CRYL1: variants seen among roughly 807,000 people sequenced by gnomAD.
CRYL1 encodes crystallin lambda 1, also known as lambda-crystallin homolog.
In CRYL1, 29 loss-of-function variants were observed where a neutral mutation model predicts 36.6. That is an observed-to-expected ratio of 0.79 (90% CI 0.59 to 1.08). The LOEUF is 1.08. CRYL1 is among the 50% of genes least tolerant of loss of function. CRYL1 has a pLI of 0.00. For synonymous variants in CRYL1, 152 were observed against 151.5 expected (o/e 1.00, Z -0.02); for missense variants, 411 against 407.9 (o/e 1.01, Z -0.06).
chr13:20,406,956 T>C (rs2031394297), intron 6 of CRYL1, among the ~76,000 whole-genome samples: 1 of 151,822 alleles, frequency 6.6e-6, no homozygotes, highest in Non-Finnish European at 1.5e-5. Context: ...TCTGAGCAAG[T>C]GTTCATCTCT....
At chr13:20,441,974 G>A (rs898779720) in intron 3 of CRYL1, among the ~76,000 whole-genome samples, 1 of 152,176 alleles carries the variant, frequency 6.6e-6, no homozygotes, top group African/African-American at 2.4e-5. Flanking sequence ...AGCCCATTGT[G>A]TTAACTCCCC....
chr13:20,447,937 G>A (rs12430880), intron 3 of CRYL1, among the ~76,000 whole-genome samples: 7,016 of 152,110 alleles, frequency 0.046, 342 homozygotes, highest in Admixed American at 0.16. Context: ...AAAAAATCAC[G>A]AGGTATACAA....
At chr13:20,442,330 T>C (rs2032368555) in intron 3 of CRYL1, among the ~76,000 whole-genome samples, 2 of 152,328 alleles carry the variant, frequency 1.3e-5, no homozygotes, top group South Asian at 4.1e-4. Context: ...GTTGTTGCTG[T>C]TTTTAAGAGT....
chr13:20,476,648 C>A (rs2033173091), intron 3 of CRYL1, among the ~76,000 whole-genome samples: 1 of 152,220 alleles, frequency 6.6e-6, no homozygotes, highest in Non-Finnish European at 1.5e-5. Flanking sequence ...TGCAGCAGGG[C>A]CAGCACCGAG....
At chr13:20,501,014 C>A (rs9509256) in intron 2 of CRYL1, among the ~76,000 whole-genome samples, 2 of 152,162 alleles carry the variant, frequency 1.3e-5, no homozygotes, top group African/African-American at 4.8e-5. Flanking sequence ...TCCTTGCCCC[C>A]CCCTAGTTCC....
chr13:20,489,554 TA>T, intron 2 of CRYL1, 58 bp from the exon 3 acceptor site: 1 of 1,595,012 alleles, frequency 6.3e-7, no homozygotes, highest in Non-Finnish European at 8.5e-7. Flanking sequence ...TAAAAACAGA[TA>T]AAGCCCAACA....
At chr13:20,436,911 T>C (rs2032230324) in intron 4 of CRYL1, among the ~76,000 whole-genome samples, 1 of 88,074 alleles carries the variant, frequency 1.1e-5, no homozygotes, top group Non-Finnish European at 2.7e-5. Context: ...GGCCTGGGGG[T>C]GCTTCTCGGA....
intron 5 of CRYL1, 35 bp downstream of exon 5, chr13:20,432,067 G>A: frequency 1.2e-6 from 2 of 1,613,928 alleles, no homozygotes; most frequent in South Asian, 2.2e-5. Flanking sequence ...AGGGAGAAAG[G>A]AAGGGAGGGA....
At chr13:20,479,562 A>G (rs1426564940) in intron 3 of CRYL1, among the ~76,000 whole-genome samples, 1 of 152,222 alleles carries the variant, frequency 6.6e-6, no homozygotes, top group Admixed American at 6.5e-5. Flanking sequence ...AGACTCTTAC[A>G]CAGCCACTAG....
In CRYL1 at chr13:20,407,978, A is replaced by G. The variant is rs1035861819; in HGVS notation, c.740-3237T>C. Among the ~76,000 whole-genome samples the G allele has an allele frequency of 3.3e-5, 5 of 152,208 alleles. No individual in the cohort carries two copies. In the East Asian group the frequency reaches 9.6e-4, roughly 29 times the overall value. ...GGGATTCCAGGCATCAGCTCCTTGG[A>G]GAGCCTTAATTGCCACCCATACATG... On this transcript the variant is annotated intron_variant, in intron 6 of 7. Coordinates refer to ENST00000298248, the MANE Select transcript of CRYL1 (RefSeq NM_015974.3).
chr13:20,412,674 A>T (rs1423318138), intron 6 of CRYL1, among the ~76,000 whole-genome samples: 1 of 152,158 alleles, frequency 6.6e-6, no homozygotes, highest in Non-Finnish European at 1.5e-5. Flanking sequence ...TGTCCTTCCC[A>T]AGTCGTCTTT....
At chr13:20,516,624 C>T (rs545654000) in intron 1 of CRYL1, among the ~76,000 whole-genome samples, 2 of 152,016 alleles carry the variant, frequency 1.3e-5, no homozygotes, top group South Asian at 2.1e-4. Context: ...GGACTACAGG[C>T]GCTCGCCACC....
intron 3 of CRYL1, among the ~76,000 whole-genome samples, chr13:20,461,042 C>T: frequency 6.6e-6 from 1 of 151,978 alleles, no homozygotes; most frequent in Admixed American, 6.5e-5. Flanking sequence ...GTCTCCACTT[C>T]CACAGCCAGC....
chr13:20,467,740 G>C (rs973778220), intron 3 of CRYL1, among the ~76,000 whole-genome samples: 13 of 152,184 alleles, frequency 8.5e-5, no homozygotes, highest in African/African-American at 2.7e-4. Flanking sequence ...GGAATCGCTT[G>C]AACCCGGGAG....
Position 20,439,603 on chromosome 13 carries a change from A to C in CRYL1, c.428T>G (p.Val143Gly). 6.2e-7 allele frequency: 1 copy of C among 1,611,558 alleles called. No individual in the cohort carries two copies. ...ATTTAAAATACTCACAGGATGAGCCACGATGCATTGCTTCACATGGACCAA... is the reference window on the plus strand; with the variant it reads ...ATTTAAAATACTCACAGGATGAGCCCCGATGCATTGCTTCACATGGACCAA... Reference protein sequence around the residue: ...AGLVHVKQCIVAHPVNPPYYI... With the variant: ...AGLVHVKQCIGAHPVNPPYYI... The change falls in exon 4 of 8, where the codon GTG becomes GGG. Residue 143 changes from valine to glycine, a missense_variant. Coordinates refer to ENST00000298248, the MANE Select transcript of CRYL1 (RefSeq NM_015974.3).
chr13:20,445,869 G>C (rs1392908179), intron 3 of CRYL1, among the ~76,000 whole-genome samples: 1 of 152,142 alleles, frequency 6.6e-6, no homozygotes, highest in African/African-American at 2.4e-5. Flanking sequence ...TGGTTGTTGG[G>C]TTTAACAATG....
At chr13:20,407,574 G>A (rs900325723) in intron 6 of CRYL1, among the ~76,000 whole-genome samples, 37 of 152,074 alleles carry the variant, frequency 2.4e-4, no homozygotes, top group Admixed American at 2.4e-3. Flanking sequence ...TTGATCCCCT[G>A]GTCTGCCCTT....
chr13:20,439,956 C>T lies in CRYL1; in HGVS notation c.277-202G>A, dbSNP rs113323007. The T allele has an allele frequency of 6.0e-3, 3,066 of 510,632 alleles. 93 individuals are homozygous for T. Among genetic ancestry groups the T allele is most frequent in the African/African-American group, 0.054 (2,831 of 52,716 alleles). The allele number at this position is 510,632 out of a possible 1,614,324, so 31.6% of individuals were successfully genotyped here. A position where few individuals can be genotyped will look rare whatever the true frequency, so the allele number is the denominator to read the frequency against. ...CCTCTGCCCTTCTGCTCTCTCCTCC[C>T]CTAAAGCAAGCCATAAAAGAATTTT... On this transcript the variant is annotated intron_variant, in intron 3 of 7. Coordinates refer to ENST00000298248, the MANE Select transcript of CRYL1 (RefSeq NM_015974.3).
intron 3 of CRYL1, among the ~76,000 whole-genome samples, chr13:20,465,721 T>C (rs997297248): frequency 1.3e-5 from 2 of 152,134 alleles, no homozygotes; most frequent in African/African-American, 2.4e-5. Flanking sequence ...CCCTGAGCCA[T>C]AGAGAGTTTA....
Sources: gnomAD v4.1 joint callset for allele counts (sites outside exome capture counted in the v4.1 genomes callset) on GRCh38, gnomAD v4.1.1 for gene constraint, MANE v1.5 for transcripts, NCBI Gene and HGNC (gene_info 2026-07-23, HGNC 2026-07-21) for gene names.